Variants in CRB1 observed in about 807,000 individuals in gnomAD.
The protein encoded by CRB1 is protein crumbs homolog 1.
In CRB1, 83 loss-of-function variants were observed where a neutral mutation model predicts 120.0. The ratio of observed to expected loss-of-function variants is 0.69; its 90% CI spans 0.58 to 0.83. The LOEUF (loss-of-function observed/expected upper bound fraction) is 0.83. CRB1 is among the 40% of genes least tolerant of loss of function. The pLI is 0.00. For synonymous variants in CRB1, 625 were observed against 612.5 expected (o/e 1.02, Z -0.30); for missense variants, 1,699 against 1,687.6 (o/e 1.01, Z -0.12).
chr1:197,457,143 C>T (rs1440049472), intron 11 of CRB1, among the ~76,000 whole-genome samples: 1 of 152,040 alleles, frequency 6.6e-6, no homozygotes, highest in East Asian at 1.9e-4. Flanking sequence ...TTCCTTGCTT[C>T]CCTCCCCCAC....
the CRB1 span, among the ~76,000 whole-genome samples, chr1:197,204,841 C>G: frequency 6.6e-6 from 1 of 152,166 alleles, no homozygotes; most frequent in Non-Finnish European, 1.5e-5. Context: ...GTCATGAAGT[C>G]TTTGCCTAAG....
At chr1:197,469,854 G>A (rs7515671) in intron 11 of CRB1, among the ~76,000 whole-genome samples, 130,225 of 152,022 alleles carry the variant, frequency 0.86, 59,287 homozygotes, top group South Asian at 1. Context: ...AGATACGAGG[G>A]GCAGGAAAAG....
chr1:197,283,796 CAGAT>C (rs1394941595), intron 1 of CRB1, among the ~76,000 whole-genome samples: 3 of 151,174 alleles, frequency 2.0e-5, no homozygotes, highest in Admixed American at 1.3e-4. Context: ...AAACATAAAA[CAGAT>C]TATTATTTAT....
At chr1:197,224,126 C>T in the CRB1 span, among the ~76,000 whole-genome samples, 1 of 149,016 alleles carries the variant, frequency 6.7e-6, no homozygotes, top group African/African-American at 2.6e-5. Context: ...CTTTAAAGCT[C>T]TTGTACCGAA....
intron 5 of CRB1, among the ~76,000 whole-genome samples, chr1:197,381,309 CTA>C (rs1661944372): frequency 6.6e-6 from 1 of 152,198 alleles, no homozygotes; most frequent in Non-Finnish European, 1.5e-5. Flanking sequence ...TAAAAGGAGA[CTA>C]GATTATTACT....
At chr1:197,317,608 A>G (rs576025634) in intron 1 of CRB1, among the ~76,000 whole-genome samples, 2 of 152,324 alleles carry the variant, frequency 1.3e-5, no homozygotes, top group South Asian at 4.1e-4. Context: ...CCAAAAGGCT[A>G]GAGTAACCAA....
At chr1:197,378,057 C>T (rs1398716606) in intron 5 of CRB1, among the ~76,000 whole-genome samples, 2 of 152,194 alleles carry the variant, frequency 1.3e-5, no homozygotes, top group East Asian at 3.8e-4. Context: ...TGTCTTAAGA[C>T]AGAGCCACAA....
chr1:197,221,161 C>T, the CRB1 span, among the ~76,000 whole-genome samples: 1 of 151,998 alleles, frequency 6.6e-6, no homozygotes, highest in Non-Finnish European at 1.5e-5. Flanking sequence ...TTTTTAGAGG[C>T]CATGTTGGGT....
intron 5 of CRB1, among the ~76,000 whole-genome samples, chr1:197,392,441 G>A (rs2759662): frequency 0.39 from 58,707 of 151,800 alleles, 13,027 homozygotes; most frequent in African/African-American, 0.62. Context: ...TACTATAAAG[G>A]TAACTCAGAT....
intron 5 of CRB1, among the ~76,000 whole-genome samples, chr1:197,369,648 A>G (rs943325325): frequency 4.6e-5 from 7 of 152,204 alleles, no homozygotes; most frequent in African/African-American, 1.4e-4. Flanking sequence ...ACTATGACTT[A>G]TAAGTCTGCT....
intron 5 of CRB1, among the ~76,000 whole-genome samples, chr1:197,398,549 G>A (rs879481954): frequency 2.0e-5 from 3 of 152,104 alleles, no homozygotes; most frequent in Non-Finnish European, 4.4e-5. Flanking sequence ...AATCAGTAGG[G>A]CTTGGCAATA....
chr1:197,302,193 C>T (rs568133654), intron 1 of CRB1, among the ~76,000 whole-genome samples: 1 of 152,324 alleles, frequency 6.6e-6, no homozygotes, highest in Non-Finnish European at 1.5e-5. Flanking sequence ...GATCAGTCAG[C>T]AGCTGTCAAC....
At chr1:197,381,911 G>A (rs1417876412) in intron 5 of CRB1, among the ~76,000 whole-genome samples, 1 of 152,170 alleles carries the variant, frequency 6.6e-6, no homozygotes, top group Non-Finnish European at 1.5e-5. Context: ...GCTTTAAGCA[G>A]TAAATTCTTC....
At chr1:197,469,024 C>A (rs1471592351) in intron 11 of CRB1, among the ~76,000 whole-genome samples, 2 of 152,180 alleles carry the variant, frequency 1.3e-5, no homozygotes, top group Non-Finnish European at 2.9e-5. Flanking sequence ...CTGGTGATGA[C>A]CCTCATGAGG....
the CRB1 span, among the ~76,000 whole-genome samples, chr1:197,204,722 G>T: frequency 7.2e-5 from 11 of 152,112 alleles, no homozygotes; most frequent in Admixed American, 7.2e-4. Context: ...CACTCTGCGG[G>T]TTGTCTGTAT....
chr1:197,308,281 T>C (rs532547049), intron 1 of CRB1, among the ~76,000 whole-genome samples: 1 of 152,116 alleles, frequency 6.6e-6, no homozygotes, highest in African/African-American at 2.4e-5. Flanking sequence ...TGTGGACTAC[T>C]TGGAGGGGGG....
the CRB1 span, among the ~76,000 whole-genome samples, chr1:197,253,242 C>CT: frequency 6.6e-6 from 1 of 152,020 alleles, no homozygotes; most frequent in Non-Finnish European, 1.5e-5. Flanking sequence ...TAAGTACATT[C>CT]TTTTTTCCCC....
chr1:197,357,115 A>G (rs1571897519), intron 5 of CRB1, 102 bp downstream of exon 5: 1 of 1,208,780 alleles, frequency 8.3e-7, no homozygotes, highest in Middle Eastern at 1.9e-4. Flanking sequence ...GTACTGTGTA[A>G]ACTCTGCTGC....
chr1:197,451,325 A>G (rs901759459), intron 11 of CRB1, among the ~76,000 whole-genome samples: 1 of 152,188 alleles, frequency 6.6e-6, no homozygotes, highest in Non-Finnish European at 1.5e-5. Context: ...CAGGTGGAAA[A>G]ATGACATTTG....
Sources: gnomAD v4.1 joint callset for allele counts (sites outside exome capture counted in the v4.1 genomes callset) on GRCh38, gnomAD v4.1.1 for gene constraint, MANE v1.5 for transcripts, NCBI Gene and HGNC (gene_info 2026-07-23, HGNC 2026-07-21) for gene names.